Variants in GPR155 observed in about 807,000 individuals in gnomAD.
GPR155 encodes lysosomal cholesterol signaling protein.
Under a neutral mutation model 93.1 loss-of-function variants are expected in GPR155, and 65 were observed. The ratio of observed to expected loss-of-function variants is 0.70; its 90% CI spans 0.57 to 0.86. GPR155 has a LOEUF of 0.86. GPR155 is among the 40% of genes least tolerant of loss of function. The pLI is 0.00. For synonymous variants in GPR155, 319 were observed against 360.1 expected (o/e 0.89, Z 1.29); for missense variants, 838 against 1,034.8 (o/e 0.81, Z 2.61).
rs1687916293 is a variant in GPR155, at chr2:174,468,985, A to G, written c.1109T>C (p.Met370Thr). Reference protein sequence around the residue: ...VSAWLLTFPTMDPKPLAYAIQ... With the variant: ...VSAWLLTFPTTDPKPLAYAIQ... The stretch of plus-strand genomic sequence containing the variant: ...GGCATATGCCAATGGCTTAGGGTCC[A>G]TAGTGGGAAAGGTCAGTAACCAGGC... Residue 370 changes from methionine to threonine, a missense_variant, in exon 5 of 16, where the codon ATG becomes ACG. This residue lies in a region of GPR155 where 663 missense variants were observed against 790.1 expected (regional missense o/e 0.84). Transcript: ENST00000392552. The G allele has an allele frequency of 3.7e-6, 6 of 1,614,050 alleles. No homozygotes were observed. Among genetic ancestry groups the G allele is most frequent in the Non-Finnish European group, 5.1e-6 (6 of 1,179,882 alleles).
In GPR155 at chr2:174,442,109, C is replaced by T. The variant is rs1334330429; in HGVS notation, c.2174+10G>A. ...TTACAGATACAGATTTATTTCAAAACTTAATTTACCTTCTTTTGAAAGGCA... is the reference window on the plus strand; with the variant it reads ...TTACAGATACAGATTTATTTCAAAATTTAATTTACCTTCTTTTGAAAGGCA... On this transcript the variant is annotated intron_variant, in intron 14 of 15. Coordinates refer to ENST00000392552, the MANE Select transcript of GPR155 (RefSeq NM_152529.7). The T allele has an allele frequency of 2.4e-6, 3 of 1,256,522 alleles. No homozygotes were observed. Among genetic ancestry groups the T allele is most frequent in the Non-Finnish European group, 3.5e-6 (3 of 855,880 alleles). The allele number at this position is 1,256,522 out of a possible 1,614,324, so 77.8% of individuals were successfully genotyped here.
intron 2 of GPR155, among the ~76,000 whole-genome samples, chr2:174,478,331 T>G (rs1411140138): frequency 6.6e-6 from 1 of 152,204 alleles, no homozygotes; most frequent in Non-Finnish European, 1.5e-5. Flanking sequence ...ACAGATCTCC[T>G]GGCTCAGCCT....
At chr2:174,465,399 A>G (rs1687809117) in intron 7 of GPR155, among the ~76,000 whole-genome samples, 1 of 152,212 alleles carries the variant, frequency 6.6e-6, no homozygotes, top group Admixed American at 6.5e-5. Flanking sequence ...CATGAGGCAG[A>G]GCCAGAATTT....
chr2:174,476,844 G>C (rs779063424), intron 2 of GPR155, among the ~76,000 whole-genome samples: 1 of 151,882 alleles, frequency 6.6e-6, no homozygotes, highest in Non-Finnish European at 1.5e-5. Flanking sequence ...ACTACTTAAG[G>C]CCTGTCTCTG....
chr2:174,440,545 C>G (rs1383716158), intron 14 of GPR155, among the ~76,000 whole-genome samples: 2 of 152,152 alleles, frequency 1.3e-5, no homozygotes, highest in African/African-American at 4.8e-5. Context: ...AAGCTGATAA[C>G]TAAGTTCAAT....
chr2:174,470,278 C>T lies in GPR155; in HGVS notation c.1026+112G>A, dbSNP rs577867639. ...GCCTGGGGCAACATAGTGAGACCCC[C>T]GTCGTCTCTATTTTTTCATTTTTAA... On this transcript the variant is annotated intron_variant, in intron 4 of 15. Transcript: ENST00000392552. The T allele has an allele frequency of 4.1e-4, 347 of 854,264 alleles. 2 individuals are homozygous for T. In the African/African-American group the frequency reaches 5.2e-3, roughly 13 times the overall value. 52.9% of individuals were successfully genotyped at this position (854,264 alleles called of 1,614,324 possible). A position where few individuals can be genotyped will look rare whatever the true frequency, so the allele number is the denominator to read the frequency against.
intron 7 of GPR155, among the ~76,000 whole-genome samples, chr2:174,464,228 TA>T (rs1376879019): frequency 6.6e-6 from 1 of 152,292 alleles, no homozygotes; most frequent in African/African-American, 2.4e-5. Flanking sequence ...GTGTAGAGAT[TA>T]TAGGTGTCAC....
Position 174,435,371 on chromosome 2 carries a change from A to G in GPR155, c.*745T>C, listed in dbSNP as rs903106061. 1.3e-5 allele frequency: 2 copies of G among 152,222 alleles called. No individual in the cohort carries two copies. The highest frequency in any genetic ancestry group is 2.9e-5 in the Non-Finnish European group (2 of 68,034). The allele number at this position is 152,222 out of a possible 1,614,324, so 9.4% of individuals were successfully genotyped here. On this transcript the variant is annotated 3_prime_UTR_variant, in exon 16 of 16. Transcript: ENST00000392552. ...CAACAACTATTTACATAGCATTTACATTGTATTAGGCATTATAAGTATCTA... is the reference window on the plus strand; with the variant it reads ...CAACAACTATTTACATAGCATTTACGTTGTATTAGGCATTATAAGTATCTA...
At position 174,449,642 on chromosome 2, in the gene GPR155, C is replaced by T. The variant is rs547613308; in HGVS notation, c.1877-2895G>A. 5.3e-5 allele frequency among the ~76,000 whole-genome samples: 8 copies of T among 152,154 alleles called. No individual in the cohort carries two copies. In the East Asian group the frequency reaches 5.8e-4, roughly 11 times the overall value. On this transcript the variant is annotated intron_variant, in intron 11 of 15. Transcript: ENST00000392552. ...GGCAGATCGCTTGAGCTCAGGAGTTCGAGACCAGCCTGGGCAACATGGCGA... is the reference window on the plus strand; with the variant it reads ...GGCAGATCGCTTGAGCTCAGGAGTTTGAGACCAGCCTGGGCAACATGGCGA...
chr2:174,482,183 G>A (rs1458891363), intron 1 of GPR155, among the ~76,000 whole-genome samples, 196 bp from the exon 2 acceptor site: 1 of 152,156 alleles, frequency 6.6e-6, no homozygotes, highest in African/African-American at 2.4e-5. Context: ...AAAGTGGGGG[G>A]TTGCTAACAA....
chr2:174,473,511 T>C (rs908330093), intron 2 of GPR155, 147 bp from the exon 3 acceptor site: 61 of 545,074 alleles, frequency 1.1e-4, no homozygotes, highest in African/African-American at 1.1e-3. Flanking sequence ...AAGTACATTT[T>C]AGTAATAAAG....
chr2:174,436,602 T>G (rs1686791970), intron 15 of GPR155, among the ~76,000 whole-genome samples, 186 bp from the exon 16 acceptor site: 1 of 152,104 alleles, frequency 6.6e-6, no homozygotes, highest in Non-Finnish European at 1.5e-5. Flanking sequence ...AAAGACCCAC[T>G]GGAGAAAAAG....
chr2:174,440,322 G>C (rs1388051389), intron 14 of GPR155, among the ~76,000 whole-genome samples: 9 of 151,958 alleles, frequency 5.9e-5, no homozygotes, highest in Admixed American at 2.6e-4. Context: ...TCCATTTCAG[G>C]TTCTACTAAT....
At chr2:174,453,427 G>A (rs112373996) in intron 11 of GPR155, among the ~76,000 whole-genome samples, 5,633 of 152,094 alleles carry the variant, frequency 0.037, 349 homozygotes, top group African/African-American at 0.13. Context: ...TTGGGAGGCC[G>A]AGGCAGGCAG....
intron 15 of GPR155, among the ~76,000 whole-genome samples, chr2:174,437,336 T>G (rs556449241): frequency 8.2e-4 from 125 of 152,146 alleles, no homozygotes; most frequent in Admixed American, 2.0e-3. Flanking sequence ...TTAAAAACAT[T>G]TCACCATAAA....
At chr2:174,468,854 G>A (rs2105721052) in intron 5 of GPR155, 58 bp downstream of exon 5, 1 of 1,408,532 alleles carries the variant, frequency 7.1e-7, no homozygotes, top group South Asian at 1.2e-5. Context: ...TCTGTTAACA[G>A]TCTATTCTCA....
chr2:174,443,281 A>C (rs530763374), intron 13 of GPR155, among the ~76,000 whole-genome samples: 2 of 152,366 alleles, frequency 1.3e-5, no homozygotes, highest in South Asian at 4.1e-4. Flanking sequence ...GTAAGAAATT[A>C]ATATTAGGAA....
intron 14 of GPR155, among the ~76,000 whole-genome samples, chr2:174,441,702 G>A (rs1216781689): frequency 6.8e-6 from 1 of 146,390 alleles, no homozygotes; most frequent in African/African-American, 2.6e-5. Context: ...CTGTCCTTGC[G>A]ATAGAAAAAC....
rs982009227 is a variant in GPR155 at position 174,432,758 on chromosome 2, G to A, written c.*3358C>T. The A allele has an allele frequency of 7.4e-6, 1 of 134,590 alleles. No homozygotes were observed. Among genetic ancestry groups the A allele is most frequent in the African/African-American group, 2.7e-5 (1 of 37,210 alleles). The allele number at this position is 134,590 out of a possible 1,614,324, so 8.3% of individuals were successfully genotyped here. On this transcript the variant is annotated 3_prime_UTR_variant, in exon 16 of 16. Coordinates refer to ENST00000392552, the MANE Select transcript of GPR155 (RefSeq NM_152529.7). ...ATTAATAAATATACTAGGCTTCCAT[G>A]CAGGTTTTTTTTTTTTTTTTTTTGC...
Sources: gnomAD v4.1 joint callset for allele counts (sites outside exome capture counted in the v4.1 genomes callset) on GRCh38, gnomAD v4.1.1 for gene constraint, gnomAD v4.1.1 regional missense constraint, MANE v1.5 for transcripts, NCBI Gene and HGNC (gene_info 2026-07-23, HGNC 2026-07-21) for gene names.